Variants in PPM1A observed in about 807,000 individuals in gnomAD.
The protein encoded by PPM1A is protein phosphatase, Mg2+/Mn2+ dependent 1A.
In PPM1A, 7 loss-of-function variants were observed where a neutral mutation model predicts 35.0. The observed-to-expected ratio is 0.20, with a 90% CI of 0.11 to 0.38. PPM1A has a LOEUF of 0.38. Ranked by LOEUF, PPM1A falls within the 10% of genes least tolerant of loss-of-function variation. The pLI is 1.00. For synonymous variants in PPM1A, 153 were observed against 167.3 expected, an observed-to-expected ratio of 0.91 and a Z score of 0.66; for missense variants, 239 against 467.8, an observed-to-expected ratio of 0.51 and a Z score of 4.51.
At chr14:60,248,584 G>C (rs1881947088), upstream of PPM1A, 1 of 152,544 alleles carries the variant, frequency 6.6e-6, no homozygotes, top group Non-Finnish European at 1.5e-5. Context: ...GGAGAGGAAG[G>C]CTCTGGAGGA....
At chr14:60,277,541 A>C (rs2139494184) in intron 1 of PPM1A, among the ~76,000 whole-genome samples, 1 of 152,146 alleles carries the variant, frequency 6.6e-6, no homozygotes, top group African/African-American at 2.4e-5. Context: ...AATATACTGT[A>C]TATATTTTTT....
Position 60,285,622 on chromosome 14 carries a change from A to C in PPM1A, c.835-2A>C. On this transcript the variant is annotated splice_acceptor_variant, in intron 2 of 5. Coordinates refer to ENST00000395076, the MANE Select transcript of PPM1A (RefSeq NM_021003.5). LOFTEE classifies it high-confidence loss of function. Reference sequence around the variant, plus strand: ...AATATTCTCAAATTTTTTTCTTCCCAGGGAAGTCGAGACAACATGAGTGTG... The same window carrying C: ...AATATTCTCAAATTTTTTTCTTCCCCGGGAAGTCGAGACAACATGAGTGTG... 6.2e-7 allele frequency: 1 copy of C among 1,611,290 alleles called. No individual in the cohort carries two copies. Among genetic ancestry groups the C allele is most frequent in the Non-Finnish European group, 8.5e-7 (1 of 1,179,090 alleles).
intron 1 of PPM1A, among the ~76,000 whole-genome samples, chr14:60,274,850 G>A (rs1055218859): frequency 2.0e-5 from 3 of 150,258 alleles, no homozygotes; most frequent in Non-Finnish European, 4.4e-5. Context: ...TCATATCTTG[G>A]TTAGTTTCTA....
intron 1 of PPM1A, chr14:60,250,471 C>T: frequency 3.1e-6 from 3 of 972,492 alleles, no homozygotes; most frequent in Non-Finnish European, 3.7e-6. Flanking sequence ...TTGAAAATTT[C>T]ATCACCTGAG....
intron 3 of PPM1A, chr14:60,286,237 A>G: frequency 1.0e-6 from 1 of 985,966 alleles, no homozygotes; most frequent in East Asian, 1.1e-4. Flanking sequence ...TTTGCTTTAA[A>G]CTGTTTCAGA....
At chr14:60,259,188 T>G (rs1883478178) in intron 1 of PPM1A, among the ~76,000 whole-genome samples, 1 of 152,150 alleles carries the variant, frequency 6.6e-6, no homozygotes. Flanking sequence ...GACTCTATTT[T>G]GAAAAATGTT....
chr14:60,252,008 C>G (rs544118524), intron 1 of PPM1A, among the ~76,000 whole-genome samples: 96 of 152,284 alleles, frequency 6.3e-4, no homozygotes, highest in African/African-American at 2.3e-3. Flanking sequence ...TGAAAATTCT[C>G]TAATACCTCA....
At chr14:60,284,679 G>A (rs4901974) in intron 2 of PPM1A, among the ~76,000 whole-genome samples, 66,713 of 144,492 alleles carry the variant, frequency 0.46, 18,693 homozygotes, top group African/African-American at 0.8. Flanking sequence ...ATTAATGAGC[G>A]TATGTATATA....
rs771879145 is a variant in PPM1A at position 60,291,416 on chromosome 14, G to A, written c.1081G>A (p.Val361Ile). Residue 361 changes from valine to isoleucine, a missense_variant, in exon 5 of 6, where the codon GTT becomes ATT. Physicochemically the swap from Val to Ile is conservative, Grantham distance 29. Around this residue, in one of 2 missense-constraint regions of PPM1A, gnomAD observed 64 missense variants for 78.6 expected, o/e 0.81. Coordinates refer to ENST00000395076, the MANE Select transcript of PPM1A (RefSeq NM_021003.5). ...ACTTAGGAGGAATGTTATTGAAGCCGTTTACAATAGACTGAATCCTTACAA... is the reference window on the plus strand; with the variant it reads ...ACTTAGGAGGAATGTTATTGAAGCCATTTACAATAGACTGAATCCTTACAA... ...LASKRNVIEAVYNRLNPYKND... is the reference protein window; with the variant it reads ...LASKRNVIEAIYNRLNPYKND... 1.4e-5 allele frequency: 22 copies of A among 1,573,388 alleles called. No individual in the cohort carries two copies. The highest frequency in any genetic ancestry group is 1.7e-4 in the Middle Eastern group (1 of 5,912).
At chr14:60,248,080 C>T (rs1257227744), upstream of PPM1A, among the ~76,000 whole-genome samples, 1 of 152,180 alleles carries the variant, frequency 6.6e-6, no homozygotes, top group Non-Finnish European at 1.5e-5. Context: ...GGCACCCCAG[C>T]CAATGGGAAC....
chr14:60,264,645 A>T (rs1371284744), intron 1 of PPM1A, among the ~76,000 whole-genome samples: 1 of 152,042 alleles, frequency 6.6e-6, no homozygotes, highest in Non-Finnish European at 1.5e-5. Context: ...TTTCTAGAAA[A>T]TTCCTTAGCC....
chr14:60,252,982 C>T (rs115635856), intron 1 of PPM1A, among the ~76,000 whole-genome samples: 1,931 of 152,164 alleles, frequency 0.013, 39 homozygotes, highest in African/African-American at 0.039. Context: ...TTTCTGTATA[C>T]CTGTATCTAA....
chr14:60,250,474 C>A, intron 1 of PPM1A: 1 of 967,566 alleles, frequency 1.0e-6, no homozygotes, highest in Non-Finnish European at 1.2e-6. Context: ...AAAATTTCAT[C>A]ACCTGAGGTA....
At chr14:60,270,663 A>G (rs1486983459) in intron 1 of PPM1A, among the ~76,000 whole-genome samples, 1 of 151,874 alleles carries the variant, frequency 6.6e-6, no homozygotes, top group African/African-American at 2.4e-5. Flanking sequence ...ATTTTGTCCT[A>G]TTAACCTGTT....
At position 60,249,811 on chromosome 14, in the gene PPM1A, T is replaced by G; in HGVS notation, c.-21+134T>G. The G allele has an allele frequency of 2.6e-6, 1 of 391,444 alleles. No individual in the cohort carries two copies. Among genetic ancestry groups the G allele is most frequent in the Non-Finnish European group, 3.5e-6 (1 of 288,296 alleles). 24.2% of individuals were successfully genotyped at this position (391,444 alleles called of 1,614,324 possible). ...CGCTCCCGGGAGGAGACGCGACAAC[T>G]CCACCCCCTGGCCGGCCTCCTCCCC... is the stretch of plus-strand genomic sequence containing the variant. On this transcript the variant is annotated intron_variant, in intron 1 of 5. Transcript: ENST00000395076. The surrounding 1 kb of genome is among the most constrained non-coding windows in gnomAD (Gnocchi z 4.5).
At chr14:60,280,346 TC>T (rs977589901) in intron 1 of PPM1A, among the ~76,000 whole-genome samples, 4 of 152,184 alleles carry the variant, frequency 2.6e-5, no homozygotes, top group Non-Finnish European at 4.4e-5. Flanking sequence ...AGAAAGAGAT[TC>T]GGAAAGGTTC....
rs923615798 is a variant in PPM1A, at chr14:60,289,250, C to T, written c.953-556C>T. ...AAAGGTACTTTAGAGAAGAATTAAA[C>T]TGAGACAGTGATGTTCAAGTACATA... On this transcript the variant is annotated intron_variant, in intron 3 of 5. Coordinates refer to ENST00000395076, the MANE Select transcript of PPM1A (RefSeq NM_021003.5). This position sits in a 1 kb window ranked among gnomAD's most constrained non-coding sequence, Gnocchi z 4.1. Among the ~76,000 whole-genome samples the T allele has an allele frequency of 1.3e-5, 2 of 152,014 alleles. No individual in the cohort carries two copies. The highest frequency in any genetic ancestry group is 2.4e-5 in the African/African-American group (1 of 41,396).
In PPM1A at chr14:60,283,499, A is replaced by G. The variant is rs1886614034; in HGVS notation, c.796A>G (p.Lys266Glu). Residue 266 changes from lysine to glutamate, a missense_variant, in exon 2 of 6, where the codon AAA becomes GAA. Physicochemically the swap from Lys to Glu is moderately conservative, Grantham distance 56. Around this residue, in one of 2 missense-constraint regions of PPM1A, gnomAD observed 175 missense variants for 389.2 expected, o/e 0.45. Transcript: ENST00000395076. This position sits in a 1 kb window ranked among gnomAD's most constrained non-coding sequence, Gnocchi z 6.3. The part of the protein sequence containing the change: ...SRLEVTDDLE[K>E]VCNEVVDTCL... Reference sequence around the variant, plus strand: ...ACTTGAAGTCACTGATGACCTTGAGAAAGTTTGCAATGAAGTAGTCGACAC... The same window carrying G: ...ACTTGAAGTCACTGATGACCTTGAGGAAGTTTGCAATGAAGTAGTCGACAC... 6.2e-7 allele frequency: 1 copy of G among 1,613,538 alleles called. No individual in the cohort carries two copies. The highest frequency in any genetic ancestry group is 8.5e-7 in the Non-Finnish European group (1 of 1,179,938).
chr14:60,285,962 T>G, intron 3 of PPM1A: 1 of 1,226,712 alleles, frequency 8.2e-7, no homozygotes, highest in Non-Finnish European at 1.0e-6. Context: ...TAACCCACAT[T>G]CTGTTCAGGA....
Sources: gnomAD v4.1 joint callset for allele counts (sites outside exome capture counted in the v4.1 genomes callset) on GRCh38, gnomAD v4.1.1 for gene constraint, gnomAD v4.1.1 regional missense constraint, Gnocchi (gnomAD v3.1) non-coding constraint, MANE v1.5 for transcripts, NCBI Gene and HGNC (gene_info 2026-07-23, HGNC 2026-07-21) for gene names.